TMEM217: variants seen among roughly 807,000 people sequenced by gnomAD.
The protein encoded by TMEM217 is chromosome 6 open reading frame 128.
For synonymous variants in TMEM217, 76 were observed against 88.3 expected (o/e 0.86, Z 0.78); for missense variants, 204 against 248.8 (o/e 0.82, Z 1.21).
intron 1 of TMEM217, among the ~76,000 whole-genome samples, chr6:37,239,065 G>A (rs1254925225): frequency 3.3e-5 from 5 of 152,342 alleles, no homozygotes; most frequent in African/African-American, 1.2e-4. Flanking sequence ...AAGAGGTGGA[G>A]AGGTTGCAGT....
chr6:37,252,802 C>A (rs1008898847), intron 1 of TMEM217, among the ~76,000 whole-genome samples: 4 of 151,572 alleles, frequency 2.6e-5, no homozygotes, highest in Non-Finnish European at 5.9e-5. Flanking sequence ...CCACACTCCA[C>A]TAATTTTTTG....
At chr6:37,254,556 C>G (rs1765609967) in intron 1 of TMEM217, among the ~76,000 whole-genome samples, 1 of 152,214 alleles carries the variant, frequency 6.6e-6, no homozygotes, top group South Asian at 2.1e-4. Context: ...GATGTAGAGT[C>G]ATTGGTAAAG....
At chr6:37,253,456 T>C (rs971395110) in intron 1 of TMEM217, among the ~76,000 whole-genome samples, 1 of 152,172 alleles carries the variant, frequency 6.6e-6, no homozygotes, top group African/African-American at 2.4e-5. Flanking sequence ...TCCTATAACC[T>C]CTTACTTTTT....
At chr6:37,250,322 T>C (rs1235567312) in intron 1 of TMEM217, among the ~76,000 whole-genome samples, 2 of 152,324 alleles carry the variant, frequency 1.3e-5, no homozygotes, top group Non-Finnish European at 1.5e-5. Flanking sequence ...ATTGGTAATA[T>C]CCTGTTTTAT....
At position 37,218,902 on chromosome 6, in the gene TMEM217, A is replaced by AGT. The variant is rs767917102; in HGVS notation, c.127_128dup (p.Glu44LeufsTer14). 6.2e-7 allele frequency: 1 copy of AGT among 1,613,970 alleles called. No homozygotes were observed. Among genetic ancestry groups the AGT allele is most frequent in the African/African-American group, 1.3e-5 (1 of 75,022 alleles). On this transcript the variant is annotated frameshift_variant, in exon 2 of 2. Transcript: ENST00000357219. LOFTEE classifies it low-confidence loss of function (END_TRUNC). ...CACCCCTGTACTTTGGTGTGATCTC[A>AGT]GTGCAACTGCCATTCCCTAGGTGCT... is the stretch of plus-strand genomic sequence containing the variant.
chr6:37,252,805 ATTTTT>A (rs1310698188), intron 1 of TMEM217, among the ~76,000 whole-genome samples: 1 of 151,222 alleles, frequency 6.6e-6, no homozygotes, highest in Admixed American at 6.6e-5. Context: ...CACTCCACTA[ATTTTT>A]TGTATTTTTG....
downstream of TMEM217, among the ~76,000 whole-genome samples, chr6:37,213,704 G>C (rs538225932): frequency 3.9e-5 from 6 of 152,356 alleles, no homozygotes; most frequent in East Asian, 1.2e-3. Flanking sequence ...GCAGGAACCT[G>C]GTGCCCGAGC....
intron 1 of TMEM217, among the ~76,000 whole-genome samples, chr6:37,226,366 C>A (rs1259255133): frequency 1.5e-5 from 2 of 135,226 alleles, no homozygotes; most frequent in Non-Finnish European, 3.1e-5. Flanking sequence ...TATCTTGGCT[C>A]ACTGCAAGCT....
chr6:37,231,859 CATT>C (rs1443220710), intron 1 of TMEM217, among the ~76,000 whole-genome samples: 2 of 150,614 alleles, frequency 1.3e-5, no homozygotes, highest in Non-Finnish European at 2.9e-5. Context: ...ACTTTCAGAC[CATT>C]ATTCTTCCTC....
rs188687876 is a variant in TMEM217 at position 37,243,742 on chromosome 6, G to A, written c.-12+13826C>T. 4.5e-3 allele frequency among the ~76,000 whole-genome samples: 678 copies of A among 152,290 alleles called. 5 individuals carry two copies. The highest frequency in any genetic ancestry group is 0.044 in the Middle Eastern group (13 of 294). On this transcript the variant is annotated intron_variant, in intron 1 of 1. Transcript: ENST00000357219. Reference sequence around the variant, plus strand: ...GCATCCCAACTAGCTGGGATTACAGGCATGCACCACCACACCTGGCTAGGG... The same window carrying A: ...GCATCCCAACTAGCTGGGATTACAGACATGCACCACCACACCTGGCTAGGG...
At chr6:37,248,594 C>T (rs1765227166) in intron 1 of TMEM217, among the ~76,000 whole-genome samples, 1 of 152,170 alleles carries the variant, frequency 6.6e-6, no homozygotes, top group Admixed American at 6.5e-5. Flanking sequence ...TCAGGCAAGC[C>T]TCTTCCTCTC....
intron 1 of TMEM217, among the ~76,000 whole-genome samples, chr6:37,253,861 T>C (rs1283089543): frequency 3.3e-5 from 5 of 152,214 alleles, no homozygotes; most frequent in East Asian, 1.9e-4. Context: ...ATTATCTCTT[T>C]CATAAAACTT....
At chr6:37,243,017 T>C (rs1011508535) in intron 1 of TMEM217, among the ~76,000 whole-genome samples, 1 of 152,158 alleles carries the variant, frequency 6.6e-6, no homozygotes, top group Admixed American at 6.5e-5. Context: ...GAAAGCAAGT[T>C]TCTGGCAAAG....
chr6:37,213,708 C>A (rs1763027815), downstream of TMEM217, among the ~76,000 whole-genome samples: 1 of 152,228 alleles, frequency 6.6e-6, no homozygotes, highest in African/African-American at 2.4e-5. Flanking sequence ...GAACCTGGTG[C>A]CCGAGCCGAC....
chr6:37,257,670 G>T lies in TMEM217; in HGVS notation c.-114C>A, dbSNP rs190745092. 1,097 of 523,284 alleles carry T rather than the reference G, an allele frequency of 2.1e-3. 5 individuals carry two copies. The highest frequency in any genetic ancestry group is 1.8e-3 in the Non-Finnish European group (519 of 294,352). 32.4% of individuals were successfully genotyped at this position (523,284 alleles called of 1,614,324 possible). A position where few individuals can be genotyped will look rare whatever the true frequency, so the allele number is the denominator to read the frequency against. ...TGTGTGCCCAGCCCCTGACGTTACC[G>T]GTCGGCTTCAGCGGCCTGCAGGATT... On this transcript the variant is annotated 5_prime_UTR_variant, in exon 1 of 2. Coordinates refer to ENST00000357219, the Ensembl canonical transcript of TMEM217.
intron 1 of TMEM217, among the ~76,000 whole-genome samples, chr6:37,227,498 G>A (rs561545776): frequency 6.6e-6 from 1 of 152,298 alleles, no homozygotes; most frequent in South Asian, 2.1e-4. Context: ...CCAGGCTGGA[G>A]TGTAGTGGCG....
At chr6:37,214,679 AT>A (rs1270836749), downstream of TMEM217, among the ~76,000 whole-genome samples, 2 of 152,208 alleles carry the variant, frequency 1.3e-5, no homozygotes, top group African/African-American at 4.8e-5. Flanking sequence ...AAGTGGAATC[AT>A]ACATTTGTCC....
chr6:37,230,696 A>T (rs1461849187), intron 1 of TMEM217, among the ~76,000 whole-genome samples: 2 of 152,118 alleles, frequency 1.3e-5, no homozygotes, highest in African/African-American at 4.8e-5. Flanking sequence ...TGAGAAAATT[A>T]ATTTCTGTTG....
downstream of TMEM217, among the ~76,000 whole-genome samples, chr6:37,215,524 TCACAC>T (rs1238607686): frequency 2.5e-5 from 3 of 119,932 alleles, no homozygotes; most frequent in East Asian, 4.8e-4. Flanking sequence ...TGAGCTGATA[TCACAC>T]CACTGTACTC....
Sources: gnomAD v4.1 joint callset for allele counts (sites outside exome capture counted in the v4.1 genomes callset) on GRCh38, gnomAD v4.1.1 for gene constraint, MANE v1.5 for transcripts, NCBI Gene and HGNC (gene_info 2026-07-23, HGNC 2026-07-21) for gene names.